DPH6: variants seen among roughly 807,000 people sequenced by gnomAD.
DPH6 encodes diphthamine biosynthesis 6.
A neutral mutation model predicts 38.2 loss-of-function variants in DPH6; 33 were observed. The observed-to-expected ratio is 0.86, with a 90% confidence interval of 0.65 to 1.15. The LOEUF (loss-of-function observed/expected upper bound fraction) is 1.15. Among genes scored for constraint, DPH6 ranks in the 50% most tolerant of loss-of-function variants. DPH6 has a pLI of 0.00. For synonymous variants in DPH6, 108 were observed against 103.0 expected (o/e 1.05, Z -0.30); for missense variants, 325 against 320.0 (o/e 1.02, Z -0.12).
the DPH6 span, among the ~76,000 whole-genome samples, chr15:35,177,352 A>G: frequency 6.6e-6 from 1 of 151,722 alleles, no homozygotes; most frequent in African/African-American, 2.4e-5. Context: ...AGGTAGGGGG[A>G]TGACTTGAGG....
At chr15:35,147,800 A>C in the DPH6 span, among the ~76,000 whole-genome samples, 3 of 152,248 alleles carry the variant, frequency 2.0e-5, no homozygotes, top group Non-Finnish European at 4.4e-5. Flanking sequence ...TTTAAAACAC[A>C]ATTATTATGC....
intron 3 of DPH6, among the ~76,000 whole-genome samples, chr15:35,299,618 A>T (rs1423474280): frequency 6.6e-6 from 1 of 152,130 alleles, no homozygotes; most frequent in Non-Finnish European, 1.5e-5. Flanking sequence ...CCCCATCTCT[A>T]ACATGTTCTT....
intron 3 of DPH6, among the ~76,000 whole-genome samples, chr15:35,264,399 T>TAC (rs1393701486): frequency 6.6e-6 from 1 of 152,216 alleles, no homozygotes; most frequent in African/African-American, 2.4e-5. Flanking sequence ...TTATAGTCTC[T>TAC]ACGCTGATTT....
chr15:35,510,531 G>C (rs1271094584), intron 3 of DPH6, among the ~76,000 whole-genome samples: 2 of 152,156 alleles, frequency 1.3e-5, no homozygotes, highest in African/African-American at 4.8e-5. Flanking sequence ...AGTTGTCCAT[G>C]ATTCTTCTAG....
chr15:35,400,731 G>T lies in DPH6; in HGVS notation c.567+10104C>A, dbSNP rs1363295607. On this transcript the variant is annotated intron_variant, in intron 6 of 8. Coordinates refer to ENST00000256538, the MANE Select transcript of DPH6 (RefSeq NM_080650.4). ...TCTCCAAAAGGGCCTGAACAGCTGA[G>T]GAAGCTCTTATTGGAGGGTTGAGCT... The T allele has an allele frequency of 8.2e-6, 6 of 730,542 alleles. No homozygotes were observed. In the African/African-American group the frequency reaches 8.6e-5, roughly 10 times the overall value. 45.3% of individuals were successfully genotyped at this position (730,542 alleles called of 1,614,324 possible). A position where few individuals can be genotyped will look rare whatever the true frequency, so the allele number is the denominator to read the frequency against.
At chr15:35,281,862 A>G (rs964849676) in intron 3 of DPH6, among the ~76,000 whole-genome samples, 2 of 152,198 alleles carry the variant, frequency 1.3e-5, no homozygotes, top group African/African-American at 4.8e-5. Flanking sequence ...TCCCCTGGTC[A>G]AGACATCTTC....
the DPH6 span, among the ~76,000 whole-genome samples, chr15:35,162,174 C>G: frequency 1.3e-5 from 2 of 151,830 alleles, no homozygotes; most frequent in Non-Finnish European, 2.9e-5. Flanking sequence ...TAATGGATCC[C>G]CTTGCTTCCA....
At chr15:35,355,732 C>T (rs538951350) in intron 3 of DPH6, among the ~76,000 whole-genome samples, 1 of 152,252 alleles carries the variant, frequency 6.6e-6, no homozygotes, top group Admixed American at 6.5e-5. Flanking sequence ...TCCTTCATTT[C>T]AACTTTGGTG....
chr15:35,429,845 C>T (rs145286023), intron 5 of DPH6, among the ~76,000 whole-genome samples: 13 of 152,100 alleles, frequency 8.5e-5, no homozygotes, highest in Admixed American at 3.3e-4. Flanking sequence ...ATTTTGTTAA[C>T]GCTGTTTTAT....
intron 4 of DPH6, among the ~76,000 whole-genome samples, chr15:35,451,890 G>A (rs2053939067): frequency 6.6e-6 from 1 of 152,122 alleles, no homozygotes; most frequent in African/African-American, 2.4e-5. Flanking sequence ...GGCGCCTGTG[G>A]TCCCAGCTAC....
At chr15:35,474,433 C>G (rs1301290375) in intron 3 of DPH6, among the ~76,000 whole-genome samples, 1 of 152,068 alleles carries the variant, frequency 6.6e-6, no homozygotes, top group Non-Finnish European at 1.5e-5. Context: ...CCTTGATAAA[C>G]TTAAATAAAA....
intron 3 of DPH6, among the ~76,000 whole-genome samples, chr15:35,242,178 A>G (rs2051604891): frequency 6.9e-6 from 1 of 144,040 alleles, no homozygotes; most frequent in African/African-American, 2.5e-5. Context: ...GTCAAGCCCA[A>G]ATTTCATCCT....
chr15:35,458,879 T>C (rs1339493053), intron 3 of DPH6, among the ~76,000 whole-genome samples: 1 of 152,202 alleles, frequency 6.6e-6, no homozygotes, highest in East Asian at 1.9e-4. Flanking sequence ...GTAATCAAGA[T>C]AGACATCATT....
chr15:35,163,682 G>A, the DPH6 span, among the ~76,000 whole-genome samples: 1 of 151,958 alleles, frequency 6.6e-6, no homozygotes, highest in South Asian at 2.1e-4. Flanking sequence ...AAATTCGTCA[G>A]CACTTTAAAT....
chr15:35,537,405 C>T (rs771896972), intron 3 of DPH6, among the ~76,000 whole-genome samples: 2 of 152,006 alleles, frequency 1.3e-5, no homozygotes, highest in East Asian at 1.9e-4. Flanking sequence ...TTATATGAAT[C>T]GATTGTAACG....
chr15:35,237,225 G>A, intron 3 of DPH6: 1 of 1,034,942 alleles, frequency 9.7e-7, no homozygotes, highest in Non-Finnish European at 1.5e-6. Flanking sequence ...GGGGGCTCGA[G>A]AACTGAGCGG....
At chr15:35,297,798 CCT>C (rs1226201232) in intron 3 of DPH6, among the ~76,000 whole-genome samples, 1 of 151,678 alleles carries the variant, frequency 6.6e-6, no homozygotes, top group African/African-American at 2.4e-5. Context: ...TCCAGCCACC[CCT>C]GTCAAAAAAA....
At chr15:35,373,825 A>G (rs1233366047) in intron 7 of DPH6, among the ~76,000 whole-genome samples, 1 of 152,052 alleles carries the variant, frequency 6.6e-6, no homozygotes, top group Non-Finnish European at 1.5e-5. Flanking sequence ...GAGGCTTTCT[A>G]TCTTCATAAG....
chr15:35,496,563 A>ATATATATATAT (rs1555406393), intron 3 of DPH6, among the ~76,000 whole-genome samples: 16 of 16,004 alleles, frequency 1.0e-3, no homozygotes, highest in South Asian at 4.5e-3. Context: ...CTCAAAAAAA[A>ATATATATATAT]AAAAATATAT....
Sources: gnomAD v4.1 joint callset for allele counts (sites outside exome capture counted in the v4.1 genomes callset) on GRCh38, gnomAD v4.1.1 for gene constraint, MANE v1.5 for transcripts, NCBI Gene and HGNC (gene_info 2026-07-23, HGNC 2026-07-21) for gene names.